Variants in CNTNAP2 observed in about 807,000 individuals in gnomAD.
CNTNAP2 encodes contactin associated protein 2.
CNTNAP2 carries 98 observed loss-of-function variants against 155.2 expected under a neutral mutation model. The ratio of observed to expected loss-of-function variants is 0.63; its 90% CI spans 0.54 to 0.75. CNTNAP2 has a LOEUF of 0.75. Among genes scored for constraint, CNTNAP2 ranks in the 30% least tolerant of loss-of-function variants. The probability of loss-of-function intolerance (pLI) is 0.00; values close to 1 mark genes in which losing one functional copy is unlikely to be tolerated. For missense variants in CNTNAP2, 1,727 were observed against 1,688.1 expected (o/e 1.02, Z -0.40); for synonymous variants, 651 against 631.2 (o/e 1.03, Z -0.47).
rs867817412 is a variant in CNTNAP2 at position 147,851,816 on chromosome 7, G to A, written c.2099-51749G>A. Among the ~76,000 whole-genome samples the A allele has an allele frequency of 3.2e-4, 49 of 151,560 alleles. 1 individual carries two copies. The highest frequency in any genetic ancestry group is 9.9e-4 in the African/African-American group (41 of 41,278). On this transcript the variant is annotated intron_variant, in intron 13 of 23. Transcript: ENST00000361727. ...AGGAGATATACCTAATGTAAATGAC[G>A]AGTTAATGGGTGCAGCACACCAACA... is the stretch of plus-strand genomic sequence containing the variant.
chr7:147,365,383 G>GAAAAAAAAAAAAAAAAAAACAAAAAAA (rs1796211489), intron 9 of CNTNAP2, among the ~76,000 whole-genome samples: 1 of 93,638 alleles, frequency 1.1e-5, no homozygotes, highest in Non-Finnish European at 2.0e-5. Context: ...ATCTCAAAAA[G>GAAAAAAAAAAAAAAAAAAACAAAAAAA]AAAAAAAAAA....
At chr7:146,633,921 T>C (rs1327078011) in intron 1 of CNTNAP2, among the ~76,000 whole-genome samples, 2 of 149,574 alleles carry the variant, frequency 1.3e-5, no homozygotes, top group East Asian at 3.9e-4. Context: ...AAAGAGACGA[T>C]AGACATTTCT....
At chr7:146,431,406 A>G (rs1796170885) in intron 1 of CNTNAP2, among the ~76,000 whole-genome samples, 1 of 152,090 alleles carries the variant, frequency 6.6e-6, no homozygotes, top group Middle Eastern at 3.4e-3. Context: ...TGCAACCTCC[A>G]TTTGTTGATT....
chr7:148,330,877 CTGGATGGAATGGA>C (rs1563045070), intron 21 of CNTNAP2, among the ~76,000 whole-genome samples: 1 of 91,290 alleles, frequency 1.1e-5, no homozygotes, highest in Admixed American at 1.1e-4. Flanking sequence ...GATGGAGTGG[CTGGATGGAATGGA>C]TGGATGGAAT....
At chr7:148,255,360 T>A (rs1026081657) in intron 20 of CNTNAP2, among the ~76,000 whole-genome samples, 1 of 152,214 alleles carries the variant, frequency 6.6e-6, no homozygotes, top group Admixed American at 6.5e-5. Context: ...ATATCAGCTG[T>A]GAAATGAGAA....
chr7:147,378,049 T>A, intron 9 of CNTNAP2: 1 of 467,744 alleles, frequency 2.1e-6, no homozygotes, highest in Non-Finnish European at 4.4e-6. Context: ...CCAAAAGTAA[T>A]TACAGTTTTT....
chr7:147,573,771 GTTTA>G (rs1270327409), intron 12 of CNTNAP2, among the ~76,000 whole-genome samples: 3 of 152,220 alleles, frequency 2.0e-5, no homozygotes, highest in Non-Finnish European at 4.4e-5. Flanking sequence ...CCATGTCTGT[GTTTA>G]TTTATCCAAG....
chr7:146,226,278 G>T (rs1416216061), intron 1 of CNTNAP2, among the ~76,000 whole-genome samples: 2 of 152,170 alleles, frequency 1.3e-5, no homozygotes, highest in Non-Finnish European at 2.9e-5. Flanking sequence ...GGAAGCTTGA[G>T]TATTGGTGTA....
intron 11 of CNTNAP2, among the ~76,000 whole-genome samples, chr7:147,518,930 C>G (rs1313896634): frequency 7.4e-6 from 1 of 134,656 alleles, no homozygotes; most frequent in Non-Finnish European, 1.6e-5. Context: ...ACTCGGGAGG[C>G]TGAGGCAGGA....
At chr7:146,707,166 T>G (rs1324296006) in intron 1 of CNTNAP2, among the ~76,000 whole-genome samples, 1 of 152,166 alleles carries the variant, frequency 6.6e-6, no homozygotes, top group Non-Finnish European at 1.5e-5. Context: ...CTGCTTTTTC[T>G]ATCACAGCCA....
At chr7:146,210,893 A>G (rs928800813) in intron 1 of CNTNAP2, among the ~76,000 whole-genome samples, 4 of 150,650 alleles carry the variant, frequency 2.7e-5, no homozygotes, top group Non-Finnish European at 5.9e-5. Flanking sequence ...TCTCATTTCC[A>G]CACACTTTTG....
intron 1 of CNTNAP2, among the ~76,000 whole-genome samples, chr7:146,197,147 G>A (rs1372315284): frequency 6.6e-6 from 1 of 152,058 alleles, no homozygotes; most frequent in Non-Finnish European, 1.5e-5. Flanking sequence ...GTGTATGATA[G>A]CATAAACTAG....
At chr7:146,266,102 A>G (rs552934769) in intron 1 of CNTNAP2, among the ~76,000 whole-genome samples, 1 of 152,292 alleles carries the variant, frequency 6.6e-6, no homozygotes, top group Non-Finnish European at 1.5e-5. Context: ...CAGCTGAGCC[A>G]ATTGTAAGCA....
intron 10 of CNTNAP2, among the ~76,000 whole-genome samples, chr7:147,479,888 ATT>A (rs1340296445): frequency 1.3e-5 from 2 of 152,108 alleles, no homozygotes; most frequent in Non-Finnish European, 2.9e-5. Context: ...TAATAACAAC[ATT>A]TTAAATTAGT....
At chr7:146,909,070 C>G (rs1444296751) in intron 3 of CNTNAP2, among the ~76,000 whole-genome samples, 2 of 151,956 alleles carry the variant, frequency 1.3e-5, no homozygotes, top group Non-Finnish European at 2.9e-5. Flanking sequence ...GGACACATTC[C>G]TCGACACATA....
chr7:146,588,347 A>G (rs1484008995), intron 1 of CNTNAP2, among the ~76,000 whole-genome samples: 1 of 152,202 alleles, frequency 6.6e-6, no homozygotes, highest in Non-Finnish European at 1.5e-5. Context: ...ATTGTAATTA[A>G]TTCCATTACA....
intron 1 of CNTNAP2, among the ~76,000 whole-genome samples, chr7:146,670,486 A>G (rs1391195458): frequency 6.6e-6 from 1 of 152,194 alleles, no homozygotes; most frequent in African/African-American, 2.4e-5. Context: ...AAAAAGTTTT[A>G]AAATTCTGCC....
intron 18 of CNTNAP2, among the ~76,000 whole-genome samples, chr7:148,194,974 A>G (rs1795253643): frequency 6.6e-6 from 1 of 152,178 alleles, no homozygotes; most frequent in African/African-American, 2.4e-5. Context: ...CATGATATTA[A>G]CCATCACAGA....
intron 1 of CNTNAP2, among the ~76,000 whole-genome samples, chr7:146,645,082 T>G (rs1028691946): frequency 2.6e-5 from 4 of 152,178 alleles, no homozygotes; most frequent in African/African-American, 9.7e-5. Context: ...AAAAAATCAT[T>G]TATTAAAATA....
Sources: gnomAD v4.1 joint callset for allele counts (sites outside exome capture counted in the v4.1 genomes callset) on GRCh38, gnomAD v4.1.1 for gene constraint, MANE v1.5 for transcripts, NCBI Gene and HGNC (gene_info 2026-07-23, HGNC 2026-07-21) for gene names.